Variants in ARMH1 observed in about 807,000 individuals in gnomAD.
ARMH1 encodes the protein armadillo-like helical domain containing protein 1.
A neutral mutation model predicts 50.2 loss-of-function variants in ARMH1; 34 were observed. The ratio of observed to expected loss-of-function variants is 0.68; its 90% CI spans 0.51 to 0.90. The LOEUF (loss-of-function observed/expected upper bound fraction) is 0.90. Ranked by LOEUF, ARMH1 falls within the 40% of genes least tolerant of loss-of-function variation. The pLI, the probability that ARMH1 is intolerant of heterozygous loss-of-function variation, is 0.00. For missense variants in ARMH1, 538 were observed against 553.9 expected (o/e 0.97, Z 0.29); for synonymous variants, 221 against 224.2 (o/e 0.99, Z 0.13).
chr1:44,715,617 T>A (rs1044249110), intron 6 of ARMH1, among the ~76,000 whole-genome samples: 5 of 152,198 alleles, frequency 3.3e-5, no homozygotes, highest in African/African-American at 4.8e-5. Context: ...TGGAGTGCAG[T>A]GGCACAATCT....
At position 44,724,743 on chromosome 1, in the gene ARMH1, C is replaced by T; in HGVS notation, c.1051-19C>T. 1.3e-6 allele frequency: 2 copies of T among 1,522,940 alleles called. No individual in the cohort carries two copies. The highest frequency in any genetic ancestry group is 1.8e-6 in the Non-Finnish European group (2 of 1,139,302). 94.3% of individuals were successfully genotyped at this position (1,522,940 alleles called of 1,614,324 possible). On this transcript the variant is annotated intron_variant, in intron 9 of 11. Coordinates refer to ENST00000535358, the MANE Select transcript of ARMH1 (RefSeq NM_001145636.2). This position sits in a 1 kb window ranked among gnomAD's most constrained non-coding sequence, Gnocchi z 6.4. ...CCCCGTCGCCCCCGCAGTCACGCCG[C>T]CTCGCCCGCGCGGCGCAGTGCTTCG...
intron 6 of ARMH1, among the ~76,000 whole-genome samples, chr1:44,707,855 C>T (rs1001778127): frequency 6.6e-6 from 1 of 152,160 alleles, no homozygotes; most frequent in Non-Finnish European, 1.5e-5. Context: ...GCAGTGGGAA[C>T]GTGACTCTGT....
intron 6 of ARMH1, among the ~76,000 whole-genome samples, chr1:44,715,309 G>T (rs950401907): frequency 6.6e-6 from 1 of 152,158 alleles, no homozygotes; most frequent in Non-Finnish European, 1.5e-5. Context: ...CATTTCTATG[G>T]CTCCTTCTGC....
chr1:44,684,207 A>G (rs893302587), intron 1 of ARMH1, among the ~76,000 whole-genome samples: 3 of 152,128 alleles, frequency 2.0e-5, no homozygotes, highest in Non-Finnish European at 2.9e-5. Flanking sequence ...AAATTGACAC[A>G]TTTTGGTCTT....
chr1:44,678,709 C>T (rs1334633694), intron 1 of ARMH1, among the ~76,000 whole-genome samples: 1 of 152,158 alleles, frequency 6.6e-6, no homozygotes, highest in Non-Finnish European at 1.5e-5. Flanking sequence ...CTTGTTGTCT[C>T]CGAGGCCATG....
chr1:44,725,192 G>GTCAAT lies in ARMH1; in HGVS notation c.1185_1186insTCAAT (p.Ala396SerfsTer21). The GTCAAT allele has an allele frequency of 6.4e-7, 1 of 1,552,000 alleles. No individual in the cohort carries two copies. The highest frequency in any genetic ancestry group is 8.7e-7 in the Non-Finnish European group (1 of 1,147,050). On this transcript the variant is annotated frameshift_variant, in exon 11 of 12. Coordinates refer to ENST00000535358, the MANE Select transcript of ARMH1 (RefSeq NM_001145636.2). LOFTEE classifies it low-confidence loss of function (END_TRUNC). ...ACAGCATTCAGGCGGACATCTTGGC[G>GTCAAT]GCCAACACAGTCAATGTTACCAAAG...
At chr1:44,704,586 A>C (rs552148412) in intron 6 of ARMH1, among the ~76,000 whole-genome samples, 107 of 151,188 alleles carry the variant, frequency 7.1e-4, no homozygotes, top group Middle Eastern at 3.4e-3. Context: ...ATCATAGCTC[A>C]CTGTGGCCTC....
chr1:44,724,722 GTCGCCCCCGC>G lies in ARMH1; in HGVS notation c.1051-39_1051-30del, dbSNP rs774615773. On this transcript the variant is annotated intron_variant, in intron 9 of 11. Coordinates refer to ENST00000535358, the MANE Select transcript of ARMH1 (RefSeq NM_001145636.2). The surrounding 1 kb of genome is among the most constrained non-coding windows in gnomAD (Gnocchi z 6.4). The stretch of plus-strand genomic sequence containing the variant: ...GAAGGGCGGCGGCACCCGCAGCCCC[GTCGCCCCCGC>G]AGTCACGCCGCCTCGCCCGCGCGGC... The G allele has an allele frequency of 5.3e-6, 8 of 1,496,664 alleles. No homozygotes were observed. In the South Asian group the frequency reaches 1.0e-4, roughly 19 times the overall value. The allele number at this position is 1,496,664 out of a possible 1,614,324, so 92.7% of individuals were successfully genotyped here.
chr1:44,678,618 A>G (rs1416993169), intron 1 of ARMH1, among the ~76,000 whole-genome samples: 1 of 152,142 alleles, frequency 6.6e-6, no homozygotes, highest in Non-Finnish European at 1.5e-5. Context: ...ACTGAGAGTT[A>G]GGAGTCAGGG....
At chr1:44,721,752 CACCCACACGTCTCTCTTTAGTA>C (rs1251676948) in intron 6 of ARMH1, 1 of 152,168 alleles carries the variant, frequency 6.6e-6, no homozygotes, top group Non-Finnish European at 1.5e-5. Context: ...TGAAACACCC[CACCCACACGTCTCTCTTTAGTA>C]ACAGAACATT....
intron 6 of ARMH1, among the ~76,000 whole-genome samples, chr1:44,719,724 C>T (rs928689234): frequency 6.6e-6 from 1 of 152,210 alleles, no homozygotes. Flanking sequence ...CTCTGTAAAT[C>T]CACGCAGTCC....
At position 44,704,086 on chromosome 1, in the gene ARMH1, C is replaced by T; in HGVS notation, c.640-3C>T. The T allele has an allele frequency of 1.3e-6, 2 of 1,549,504 alleles. No individual in the cohort carries two copies. Among genetic ancestry groups the T allele is most frequent in the Non-Finnish European group, 1.7e-6 (2 of 1,145,694 alleles). On this transcript the variant is annotated splice_region_variant and splice_polypyrimidine_tract_variant and intron_variant, in intron 5 of 11. Coordinates refer to ENST00000535358, the MANE Select transcript of ARMH1 (RefSeq NM_001145636.2). Reference sequence around the variant, plus strand: ...CACCTTGTCCTGTTGTCTGTCTGGTCAGCCAATCATTGGGACCACACACCC... The same window carrying T: ...CACCTTGTCCTGTTGTCTGTCTGGTTAGCCAATCATTGGGACCACACACCC...
At chr1:44,692,152 G>A (rs928869316) in intron 2 of ARMH1, among the ~76,000 whole-genome samples, 1 of 152,186 alleles carries the variant, frequency 6.6e-6, no homozygotes, top group Non-Finnish European at 1.5e-5. Context: ...CTACTTGGGA[G>A]GCTGAGGAGG....
rs534731022 is a variant in ARMH1 at position 44,677,137 on chromosome 1, G to A, written c.-23+2264G>A. Among the ~76,000 whole-genome samples the A allele has an allele frequency of 2.6e-5, 4 of 152,288 alleles. No individual in the cohort carries two copies. In the South Asian group the frequency reaches 8.3e-4, roughly 32 times the overall value. ...AGCCAGTGAGAGTGGGATTGGAGAT[G>A]GTGTGCGAGATTGAAAAGAGCAGAG... On this transcript the variant is annotated intron_variant, in intron 1 of 11. Transcript: ENST00000535358.
intron 6 of ARMH1, among the ~76,000 whole-genome samples, chr1:44,716,901 A>G (rs1424625423): frequency 6.9e-6 from 1 of 144,354 alleles, no homozygotes; most frequent in East Asian, 2.0e-4. Flanking sequence ...CCTAGGCTGG[A>G]GTGCAGTGGC....
chr1:44,712,060 C>G (rs892028345), intron 6 of ARMH1, among the ~76,000 whole-genome samples: 1 of 152,232 alleles, frequency 6.6e-6, no homozygotes, highest in Admixed American at 6.5e-5. Context: ...TAGAACAAGA[C>G]TTGCCTTGTT....
intron 5 of ARMH1, among the ~76,000 whole-genome samples, chr1:44,703,300 G>A (rs1427463966): frequency 6.6e-6 from 1 of 152,114 alleles, no homozygotes; most frequent in Non-Finnish European, 1.5e-5. Flanking sequence ...CTGAGCTAGA[G>A]AGTTCAGTGG....
At chr1:44,675,667 A>C (rs536108239) in intron 1 of ARMH1, among the ~76,000 whole-genome samples, 21 of 151,358 alleles carry the variant, frequency 1.4e-4, no homozygotes, top group African/African-American at 4.9e-4. Flanking sequence ...GTCTCAAAAA[A>C]CAAAACAAAG....
chr1:44,709,469 G>T (rs186385133), intron 6 of ARMH1, among the ~76,000 whole-genome samples: 3 of 152,088 alleles, frequency 2.0e-5, no homozygotes, highest in African/African-American at 7.2e-5. Flanking sequence ...TCAGGAGATC[G>T]AGACCATCCT....
Sources: allele counts gnomAD v4.1 joint callset (sites outside exome capture counted in the v4.1 genomes callset), GRCh38; gene constraint gnomAD v4.1.1; non-coding constraint Gnocchi (gnomAD v3.1); transcripts MANE v1.5; gene names NCBI Gene and HGNC (gene_info 2026-07-23, HGNC 2026-07-21).